The following KIF1B variants were observed in gnomAD, a reference collection of about 807,000 sequenced individuals.
KIF1B encodes the protein kinesin-like protein KIF1B.
KIF1B carries 76 observed loss-of-function variants against 241.9 expected under a neutral mutation model. The observed-to-expected ratio is 0.31, with a 90% confidence interval of 0.26 to 0.38. KIF1B has a LOEUF of 0.38. Ranked by LOEUF, KIF1B falls within the 10% of genes least tolerant of loss-of-function variation. The pLI is 1.00. For missense variants in KIF1B, 1,622 were observed against 2,271.4 expected, an observed-to-expected ratio of 0.71 and a Z score of 5.81; for synonymous variants, 750 against 796.7, an observed-to-expected ratio of 0.94 and a Z score of 0.99.
chr1:10,287,674 T>C (rs973199319), intron 15 of KIF1B, among the ~76,000 whole-genome samples: 1 of 152,184 alleles, frequency 6.6e-6, no homozygotes, highest in African/African-American at 2.4e-5. Flanking sequence ...TACCCTTCAG[T>C]TGGTAAGTAA....
intron 32 of KIF1B, among the ~76,000 whole-genome samples, chr1:10,341,563 T>C (rs1652391476): frequency 6.6e-6 from 1 of 152,244 alleles, no homozygotes; most frequent in African/African-American, 2.4e-5. Context: ...AGATCTTGAA[T>C]ACCTGAAGCT....
intron 44 of KIF1B, among the ~76,000 whole-genome samples, chr1:10,369,398 A>G (rs766309484): frequency 6.6e-6 from 1 of 150,926 alleles, no homozygotes. Context: ...GGAGGCCAAG[A>G]TGAGGGGATC....
Position 10,259,337 on chromosome 1 carries a change from C to G in KIF1B, c.363+665C>G, listed in dbSNP as rs867897396. ...TCATTATTTACTTATTTATTTGAGACAGGGTCTCACTCTGTTGCCCATGCT... is the reference window on the plus strand; with the variant it reads ...TCATTATTTACTTATTTATTTGAGAGAGGGTCTCACTCTGTTGCCCATGCT... On this transcript the variant is annotated intron_variant, in intron 4 of 48. Coordinates refer to ENST00000676179, the MANE Select transcript of KIF1B (RefSeq NM_001365951.3). Among the ~76,000 whole-genome samples the G allele has an allele frequency of 9.2e-5, 14 of 151,848 alleles. 1 individual carries two copies. Among genetic ancestry groups the G allele is most frequent in the Middle Eastern group, 3.2e-3 (1 of 316 alleles).
At position 10,379,882 on chromosome 1, in the gene KIF1B, A is replaced by G. The variant is rs1451913834; in HGVS notation, c.*3295A>G. 2.2e-5 allele frequency: 5 copies of G among 229,494 alleles called. No individual in the cohort carries two copies. Among genetic ancestry groups the G allele is most frequent in the East Asian group, 6.2e-5 (1 of 16,122 alleles). 14.2% of individuals were successfully genotyped at this position (229,494 alleles called of 1,614,324 possible). Reference sequence around the variant, plus strand: ...CAGCCCATGCGCTAGTCAGGAGCACAGGCAAGGGGTGCTTGTGGCAGTGGC... The same window carrying G: ...CAGCCCATGCGCTAGTCAGGAGCACGGGCAAGGGGTGCTTGTGGCAGTGGC... On this transcript the variant is annotated 3_prime_UTR_variant, in exon 49 of 49. Coordinates refer to ENST00000676179, the MANE Select transcript of KIF1B (RefSeq NM_001365951.3).
chr1:10,366,192 C>T (rs1425330996), intron 43 of KIF1B, among the ~76,000 whole-genome samples: 9 of 152,236 alleles, frequency 5.9e-5, no homozygotes, highest in Non-Finnish European at 1.0e-4. Flanking sequence ...GATAGCTCCA[C>T]TGTGCTCCAG....
intron 1 of KIF1B, among the ~76,000 whole-genome samples, chr1:10,217,657 A>G (rs1646787205): frequency 6.6e-6 from 1 of 151,706 alleles, no homozygotes. Flanking sequence ...TTTCCCCTGA[A>G]ATCTGCTTGG....
Position 10,381,120 on chromosome 1 carries a change from G to A in KIF1B, c.*4533G>A, listed in dbSNP as rs1056240491. On this transcript the variant is annotated 3_prime_UTR_variant, in exon 49 of 49. Coordinates refer to ENST00000676179, the MANE Select transcript of KIF1B (RefSeq NM_001365951.3). ...GTTGTGTGTTGTTCTTCATGTCTTC[G>A]AGTTCATTTTTTTTCATTCTGCCTA... The A allele has an allele frequency of 1.8e-5, 4 of 221,560 alleles. No individual in the cohort carries two copies. The highest frequency in any genetic ancestry group is 6.7e-5 in the African/African-American group (3 of 44,680). The allele number at this position is 221,560 out of a possible 1,614,324, so 13.7% of individuals were successfully genotyped here.
chr1:10,368,359 C>T (rs1638633481), intron 43 of KIF1B, 108 bp from the exon 44 acceptor site: 2 of 841,576 alleles, frequency 2.4e-6, no homozygotes, highest in Non-Finnish European at 4.1e-6. Context: ...GCTTCCATGC[C>T]CTCCCCGGGA....
In KIF1B at chr1:10,381,357, T is replaced by C. The variant is rs970037661; in HGVS notation, c.*4770T>C. On this transcript the variant is annotated 3_prime_UTR_variant, in exon 49 of 49. Coordinates refer to ENST00000676179, the MANE Select transcript of KIF1B (RefSeq NM_001365951.3). ...TCCCCCGTGAAGGAGTTGAGCACAT[T>C]AGCAACAATGTACATTAATTTTGGA... The C allele has an allele frequency of 2.7e-5, 6 of 224,442 alleles. No individual in the cohort carries two copies. The highest frequency in any genetic ancestry group is 4.5e-5 in the African/African-American group (2 of 44,804). The allele number at this position is 224,442 out of a possible 1,614,324, so 13.9% of individuals were successfully genotyped here. A position where few individuals can be genotyped will look rare whatever the true frequency, so the allele number is the denominator to read the frequency against.
At chr1:10,284,905 C>T (rs1243955317) in intron 15 of KIF1B, among the ~76,000 whole-genome samples, 9 of 151,990 alleles carry the variant, frequency 5.9e-5, no homozygotes, top group Admixed American at 4.6e-4. Flanking sequence ...TTTCTTCCTT[C>T]AGAACATGTA....
intron 2 of KIF1B, among the ~76,000 whole-genome samples, chr1:10,252,386 T>TTGTTGTTG (rs1647503565): frequency 6.7e-6 from 1 of 149,824 alleles, no homozygotes; most frequent in Non-Finnish European, 1.5e-5. Context: ...TTGTGGGGTT[T>TTGTTGTTG]TTGTTGTTGT....
At chr1:10,298,094 A>G (rs1650358885) in intron 22 of KIF1B, among the ~76,000 whole-genome samples, 1 of 152,230 alleles carries the variant, frequency 6.6e-6, no homozygotes, top group African/African-American at 2.4e-5. Flanking sequence ...CTGTGGTTAT[A>G]AGAACCTTCT....
At chr1:10,247,737 G>A (rs116815807) in intron 2 of KIF1B, among the ~76,000 whole-genome samples, 2,842 of 152,190 alleles carry the variant, frequency 0.019, 41 homozygotes, top group Non-Finnish European at 0.028. Context: ...GGGTAATGTT[G>A]GATACTTAGA....
chr1:10,306,757 TAAAA>T (rs745772393), intron 22 of KIF1B: 1,329 of 564,696 alleles, frequency 2.4e-3, no homozygotes, highest in East Asian at 4.3e-3. Flanking sequence ...AACCTGTCTT[TAAAA>T]AAAAAAAAAA....
chr1:10,267,207 C>T (rs1363618808), intron 5 of KIF1B, among the ~76,000 whole-genome samples, 173 bp from the exon 6 acceptor site: 1 of 151,960 alleles, frequency 6.6e-6, no homozygotes, highest in East Asian at 1.9e-4. Flanking sequence ...TTGGTAGAGA[C>T]GGGATTTCAC....
At chr1:10,211,261 C>T (rs1343859695) in intron 1 of KIF1B, among the ~76,000 whole-genome samples, 2 of 152,258 alleles carry the variant, frequency 1.3e-5, no homozygotes, top group African/African-American at 4.8e-5. Flanking sequence ...TCTCATTTTC[C>T]CTCTCCCCTT....
intron 22 of KIF1B, 31 bp downstream of exon 22, chr1:10,297,277 GA>G: frequency 6.3e-7 from 1 of 1,589,352 alleles, no homozygotes. Flanking sequence ...AAACTGTTGG[GA>G]AAAGGGCAGC....
At chr1:10,287,938 CT>C (rs1219011679) in intron 15 of KIF1B, among the ~76,000 whole-genome samples, 1 of 152,168 alleles carries the variant, frequency 6.6e-6, no homozygotes, top group Non-Finnish European at 1.5e-5. Flanking sequence ...ATAATAAGTA[CT>C]AGTCAAGATG....
chr1:10,267,382 G>A lies in KIF1B; in HGVS notation c.432G>A (p.Val144=), dbSNP rs1252261304. 1.9e-6 allele frequency: 3 copies of A among 1,613,822 alleles called. No individual in the cohort carries two copies. Among genetic ancestry groups the A allele is most frequent in the African/African-American group, 2.7e-5 (2 of 74,916 alleles). The change falls in exon 6 of 49, where the codon GTG becomes GTA. Residue 144 remains valine, a splice_region_variant and synonymous_variant. Transcript: ENST00000676179. Reference sequence around the variant, plus strand: ...TCACTTTACTAATTTGTTCATAGGTGAGCTACATGGAAATTTACTGTGAAA... The same window carrying A: ...TCACTTTACTAATTTGTTCATAGGTAAGCTACATGGAAATTTACTGTGAAA... The part of the protein sequence containing the change: ...CNEEMSYSVE[V]SYMEIYCERV...
Sources: gnomAD v4.1 joint callset for allele counts (sites outside exome capture counted in the v4.1 genomes callset) on GRCh38, gnomAD v4.1.1 for gene constraint, MANE v1.5 for transcripts, NCBI Gene and HGNC (gene_info 2026-07-23, HGNC 2026-07-21) for gene names.